Variants in PSD3 observed in about 807,000 individuals in gnomAD.
The protein encoded by PSD3 is PH and SEC7 domain-containing protein 3.
A neutral mutation model predicts 105.5 loss-of-function variants in PSD3; 49 were observed. The observed-to-expected ratio is 0.46, with a 90% confidence interval of 0.37 to 0.59. The LOEUF is 0.59. PSD3 is among the 20% of genes least tolerant of loss of function. The pLI, the probability that PSD3 is intolerant of heterozygous loss-of-function variation, is 0.00. For synonymous variants in PSD3, 557 were observed against 457.8 expected (o/e 1.22, Z -2.77); for missense variants, 1,561 against 1,263.8 (o/e 1.24, Z -3.57).
intron 1 of PSD3, among the ~76,000 whole-genome samples, chr8:19,076,639 ATATGAAATGCTCATTAGAAAAGTTTT>A (rs1369509969): frequency 6.6e-6 from 1 of 152,222 alleles, no homozygotes; most frequent in Non-Finnish European, 1.5e-5. Context: ...AACACAGTGA[ATATGAAATGCTCATTAGAAAAGTTTT>A]TATCCAAAAT....
chr8:18,601,235 A>G (rs1804417907), intron 11 of PSD3, among the ~76,000 whole-genome samples: 1 of 152,240 alleles, frequency 6.6e-6, no homozygotes, highest in African/African-American at 2.4e-5. Context: ...AAATTGTTCT[A>G]AAGCAAAAAG....
At chr8:19,023,619 T>C (rs565589252) in intron 1 of PSD3, among the ~76,000 whole-genome samples, 1 of 152,074 alleles carries the variant, frequency 6.6e-6, no homozygotes, top group East Asian at 1.9e-4. Flanking sequence ...AATTTTTTTG[T>C]AGATAAAGGT....
chr8:18,722,323 C>G (rs1803038873), intron 9 of PSD3, among the ~76,000 whole-genome samples: 1 of 152,122 alleles, frequency 6.6e-6, no homozygotes, highest in Non-Finnish European at 1.5e-5. Flanking sequence ...TTTGCTCAGT[C>G]TACTTTTTAG....
intron 14 of PSD3, among the ~76,000 whole-genome samples, chr8:18,559,303 G>A (rs752768471): frequency 7.9e-5 from 12 of 152,070 alleles, no homozygotes; most frequent in Non-Finnish European, 1.5e-4. Flanking sequence ...GTAAATTGTT[G>A]CTAATTTCAT....
chr8:18,795,615 C>T (rs970688101), intron 8 of PSD3, among the ~76,000 whole-genome samples: 1 of 152,190 alleles, frequency 6.6e-6, no homozygotes, highest in Non-Finnish European at 1.5e-5. Flanking sequence ...CTATCTCACT[C>T]CTCACTGCTA....
At chr8:18,942,358 C>T (rs1238888533) in intron 1 of PSD3, among the ~76,000 whole-genome samples, 1 of 152,182 alleles carries the variant, frequency 6.6e-6, no homozygotes, top group Non-Finnish European at 1.5e-5. Context: ...TATCTGCTCC[C>T]ATTGCCCAGC....
intron 1 of PSD3, among the ~76,000 whole-genome samples, chr8:19,067,270 C>G (rs1013777113): frequency 2.6e-5 from 4 of 152,146 alleles, no homozygotes; most frequent in Non-Finnish European, 5.9e-5. Context: ...TTTCCATGCC[C>G]TCTTGCGTGG....
At chr8:18,898,722 TGAA>T (rs905559219) in intron 2 of PSD3, among the ~76,000 whole-genome samples, 37 of 152,142 alleles carry the variant, frequency 2.4e-4, no homozygotes, top group Admixed American at 1.8e-3. Flanking sequence ...AAGAAAATGA[TGAA>T]GAAGAGAAAA....
chr8:19,036,304 T>A (rs1586653386), intron 1 of PSD3, among the ~76,000 whole-genome samples: 3 of 152,202 alleles, frequency 2.0e-5, no homozygotes, highest in Admixed American at 2.0e-4. Context: ...TAAAAACAGC[T>A]GCTTACCAGG....
chr8:19,004,598 AATAAT>A (rs1826563300), intron 1 of PSD3, among the ~76,000 whole-genome samples: 2 of 152,220 alleles, frequency 1.3e-5, no homozygotes, highest in African/African-American at 4.8e-5. Flanking sequence ...TAAATAGACA[AATAAT>A]ATAATTTAAA....
intron 10 of PSD3, among the ~76,000 whole-genome samples, chr8:18,639,451 A>G (rs1313184820): frequency 6.6e-6 from 1 of 152,126 alleles, no homozygotes; most frequent in Admixed American, 6.6e-5. Context: ...TTATGGGTTT[A>G]ATTCAGTCCC....
intron 9 of PSD3, among the ~76,000 whole-genome samples, chr8:18,667,529 C>T (rs903540464): frequency 2.0e-5 from 3 of 152,210 alleles, no homozygotes; most frequent in Non-Finnish European, 2.9e-5. Flanking sequence ...GAGGTAGACA[C>T]AGGGTGCTGA....
At chr8:18,596,483 T>G (rs1369095333) in intron 12 of PSD3, among the ~76,000 whole-genome samples, 1 of 150,450 alleles carries the variant, frequency 6.6e-6, no homozygotes, top group Non-Finnish European at 1.5e-5. Context: ...GAAATGAAAA[T>G]CTAATCAAAG....
Position 18,651,708 on chromosome 8 carries a change from A to T in PSD3, c.2216+3934T>A, listed in dbSNP as rs146108091. Among the ~76,000 whole-genome samples the T allele has an allele frequency of 3.3e-4, 50 of 152,346 alleles. No homozygotes were observed. In the Middle Eastern group the frequency reaches 0.01, roughly 31 times the overall value. ...AAAATGGAAGCTTAAGGCTGAGATC[A>T]TACTTCTGGTTAGCAAGATCAGAAA... is the stretch of plus-strand genomic sequence containing the variant. On this transcript the variant is annotated intron_variant, in intron 10 of 15. Coordinates refer to ENST00000327040, the MANE Select transcript of PSD3 (RefSeq NM_015310.4).
At chr8:19,084,223 C>T (rs1319985768) in exon 1 of PSD3, 29 of 433,056 alleles carry the variant, frequency 6.7e-5, no homozygotes, top group Middle Eastern at 3.4e-4. Flanking sequence ...GGCAGAGTGG[C>T]AGGCGGGGCT....
chr8:18,860,167 A>C (rs1359098274), intron 4 of PSD3, among the ~76,000 whole-genome samples: 2 of 152,098 alleles, frequency 1.3e-5, no homozygotes, highest in African/African-American at 2.4e-5. Flanking sequence ...GAAGAGGGAG[A>C]GAGAGGGGGA....
chr8:19,010,858 C>T (rs1037293048), intron 1 of PSD3, among the ~76,000 whole-genome samples: 5 of 152,082 alleles, frequency 3.3e-5, no homozygotes, highest in Admixed American at 1.3e-4. Context: ...AGTGAAAACA[C>T]TTCCACTCTT....
At chr8:19,002,813 T>C (rs181604379) in intron 1 of PSD3, among the ~76,000 whole-genome samples, 6 of 152,100 alleles carry the variant, frequency 3.9e-5, no homozygotes, top group East Asian at 1.9e-4. Flanking sequence ...GCAGAACCCA[T>C]AGAAACAGAG....
At chr8:18,942,359 A>T (rs1822600023) in intron 1 of PSD3, among the ~76,000 whole-genome samples, 1 of 152,148 alleles carries the variant, frequency 6.6e-6, no homozygotes, top group African/African-American at 2.4e-5. Context: ...ATCTGCTCCC[A>T]TTGCCCAGCA....
Sources: allele counts gnomAD v4.1 joint callset (sites outside exome capture counted in the v4.1 genomes callset), GRCh38; gene constraint gnomAD v4.1.1; transcripts MANE v1.5; gene names NCBI Gene and HGNC (gene_info 2026-07-23, HGNC 2026-07-21).